TMEM225B: variants seen among roughly 807,000 people sequenced by gnomAD.
The protein encoded by TMEM225B is transmembrane protein 225-like.
TMEM225B carries 10 observed loss-of-function variants against 16.9 expected under a neutral mutation model. The ratio of observed to expected loss-of-function variants is 0.59; its 90% CI spans 0.36 to 1.00. The LOEUF (loss-of-function observed/expected upper bound fraction) is 1.00. Ranked by LOEUF, TMEM225B falls within the 50% of genes least tolerant of loss-of-function variation. The pLI, the probability that TMEM225B is intolerant of heterozygous loss-of-function variation, is 0.01. For missense variants in TMEM225B, 217 were observed against 267.0 expected, an observed-to-expected ratio of 0.81 and a Z score of 1.30; for synonymous variants, 92 against 109.8, an observed-to-expected ratio of 0.84 and a Z score of 1.01.
At chr7:99,598,073 CG>C (rs1804987708), upstream of TMEM225B, 1 of 152,228 alleles carries the variant, frequency 6.6e-6, no homozygotes, top group South Asian at 2.1e-4. Flanking sequence ...TGAGCGAAGC[CG>C]GTACTGTGGG....
At chr7:99,610,067 T>C (rs982263953) in intron 5 of TMEM225B, among the ~76,000 whole-genome samples, 1 of 152,222 alleles carries the variant, frequency 6.6e-6, no homozygotes. Context: ...GTCAGTTGTC[T>C]ATCTTTTACT....
At position 99,600,255 on chromosome 7, in the gene TMEM225B, C is replaced by G; in HGVS notation, c.-34C>G. The G allele has an allele frequency of 1.4e-6, 1 of 702,948 alleles. No homozygotes were observed. Among genetic ancestry groups the G allele is most frequent in the Non-Finnish European group, 2.6e-6 (1 of 384,982 alleles). The allele number at this position is 702,948 out of a possible 1,614,324, so 43.5% of individuals were successfully genotyped here. A position where few individuals can be genotyped will look rare whatever the true frequency, so the allele number is the denominator to read the frequency against. On this transcript the variant is annotated 5_prime_UTR_variant, in exon 2 of 6. Transcript: ENST00000431679. The stretch of plus-strand genomic sequence containing the variant: ...GCCTTTTTTCATCTCTGAATCCCCA[C>G]CATTGGCCTACATTGGGAGTGGGGC...
intron 2 of TMEM225B, among the ~76,000 whole-genome samples, chr7:99,600,553 C>G (rs1004956966): frequency 6.6e-6 from 1 of 152,142 alleles, no homozygotes; most frequent in Non-Finnish European, 1.5e-5. Context: ...TGGCTGAAGG[C>G]GAATGAAGAG....
chr7:99,599,460 T>C (rs1415130962), intron 1 of TMEM225B, among the ~76,000 whole-genome samples: 1 of 151,898 alleles, frequency 6.6e-6, no homozygotes, highest in East Asian at 1.9e-4. Context: ...TCCCAGCTAC[T>C]CGGGAGGCTG....
chr7:99,598,949 G>A (rs1023182003), intron 1 of TMEM225B, among the ~76,000 whole-genome samples: 7 of 152,100 alleles, frequency 4.6e-5, no homozygotes, highest in Admixed American at 3.3e-4. Context: ...ACCTCCTGGT[G>A]TTATGGGTCC....
At chr7:99,600,409 C>T (rs1409180739) in intron 2 of TMEM225B, 124 bp downstream of exon 2, 7 of 654,290 alleles carry the variant, frequency 1.1e-5, no homozygotes, top group South Asian at 3.4e-5. Flanking sequence ...CAGGCACCCC[C>T]GCCCCCAGGA....
chr7:99,608,918 G>T (rs1220639818), intron 5 of TMEM225B, among the ~76,000 whole-genome samples: 1 of 150,400 alleles, frequency 6.6e-6, no homozygotes, highest in East Asian at 1.9e-4. Flanking sequence ...TGTCATCTCA[G>T]CACTTCGGGA....
rs1000392694 is a variant in TMEM225B, at chr7:99,599,273, C to T, written c.-85+892C>T. Among the ~76,000 whole-genome samples, 57 of 152,180 alleles carry T rather than the reference C, an allele frequency of 3.7e-4. 1 individual carries two copies. The highest frequency in any genetic ancestry group is 3.7e-3 in the Admixed American group (57 of 15,272). On this transcript the variant is annotated intron_variant, in intron 1 of 5. Coordinates refer to ENST00000431679, the MANE Select transcript of TMEM225B (RefSeq NM_001195541.3). ...TACAGGCGTGAGCCACCGCACCCGG[C>T]CCATGGGTCCTTTAAAAAATAATAA...
intron 3 of TMEM225B, chr7:99,605,590 A>G (rs1805743503): frequency 6.6e-6 from 1 of 151,384 alleles, no homozygotes; most frequent in African/African-American, 2.4e-5. Context: ...CACAGCTCCC[A>G]GCTAATTTTT....
At chr7:99,599,853 C>G (rs751416116) in intron 1 of TMEM225B, among the ~76,000 whole-genome samples, 1 of 152,212 alleles carries the variant, frequency 6.6e-6, no homozygotes, top group East Asian at 1.9e-4. Context: ...ACCAGTCATT[C>G]CCTCTCTCCA....
intron 5 of TMEM225B, among the ~76,000 whole-genome samples, chr7:99,609,060 A>G (rs2151221746): frequency 6.6e-6 from 1 of 151,920 alleles, no homozygotes; most frequent in Middle Eastern, 3.4e-3. Flanking sequence ...CCAGCTACTC[A>G]GTAGGCTGAA....
rs1282859110 is a variant in TMEM225B at position 99,606,757 on chromosome 7, T to C, written c.218T>C (p.Ile73Thr). ...WKPRPLSIYI[I>T]LGRVFLLSAV... ...TCTCCCTCCCCTGCAGTTTACATCA[T>C]CCTCGGCCGGGTTTTCCTGCTCTCT... is the stretch of plus-strand genomic sequence containing the variant. The change falls in exon 4 of 6, where the codon ATC becomes ACC. Residue 73 changes from isoleucine (I) to threonine (T), a missense_variant. Transcript: ENST00000431679. 1 of 1,535,948 alleles carries C rather than the reference T, an allele frequency of 6.5e-7. No individual in the cohort carries two copies. Among genetic ancestry groups the C allele is most frequent in the African/African-American group, 1.4e-5 (1 of 73,038 alleles).
Position 99,607,742 on chromosome 7 carries a change from C to T in TMEM225B, c.425C>T (p.Pro142Leu). 6.5e-7 allele frequency: 1 copy of T among 1,536,106 alleles called. No individual in the cohort carries two copies. The highest frequency in any genetic ancestry group is 8.7e-7 in the Non-Finnish European group (1 of 1,146,894). Residue 142 changes from proline (P) to leucine (L), a missense_variant, in exon 5 of 6, where the codon CCC becomes CTC. Physicochemically the swap from Pro to Leu is moderately conservative, Grantham distance 98 (BLOSUM62 -3). Coordinates refer to ENST00000431679, the MANE Select transcript of TMEM225B (RefSeq NM_001195541.3). ...EIKALRMKLG[P>L]LQFSVLWPYY... The stretch of plus-strand genomic sequence containing the variant: ...AAGGCTCTGAGGATGAAGCTCGGCC[C>T]CCTGCAGTTCTCCGTGCTGTGGCCT...
chr7:99,607,607 G>C (rs772878726), intron 4 of TMEM225B, 66 bp from the exon 5 acceptor site: 1 of 1,467,070 alleles, frequency 6.8e-7, no homozygotes, highest in East Asian at 2.5e-5. Context: ...GCCACAGGGG[G>C]TGAAGTTTGG....
Position 99,604,346 on chromosome 7 carries a change from G to T in TMEM225B, c.-3-40G>T, listed in dbSNP as rs1193117009. 4.2e-6 allele frequency: 6 copies of T among 1,434,212 alleles called. No homozygotes were observed. The Admixed American group carries it at 1.2e-4, about 28-fold the overall frequency. The allele number at this position is 1,434,212 out of a possible 1,614,324, so 88.8% of individuals were successfully genotyped here. ...CCCTCTGTGCTGCAGGAGAATTTGG[G>T]TCGGTGTCCCACCTCCACGATCACT... On this transcript the variant is annotated intron_variant, in intron 2 of 5. Coordinates refer to ENST00000431679, the MANE Select transcript of TMEM225B (RefSeq NM_001195541.3).
chr7:99,610,622 G>A lies in TMEM225B; in HGVS notation c.*57G>A. On this transcript the variant is annotated 3_prime_UTR_variant, in exon 6 of 6. Transcript: ENST00000431679. ...GCCATGTGAGTGTACACATGTAGCT[G>A]TTTGTAGTCCTCCCCACCCTCTCTG... 1.4e-6 allele frequency: 2 copies of A among 1,472,026 alleles called. No individual in the cohort carries two copies. The highest frequency in any genetic ancestry group is 1.8e-6 in the Non-Finnish European group (2 of 1,092,650). 91.2% of individuals were successfully genotyped at this position (1,472,026 alleles called of 1,614,324 possible).
chr7:99,603,170 C>T (rs757638431), intron 2 of TMEM225B, among the ~76,000 whole-genome samples: 13 of 152,204 alleles, frequency 8.5e-5, no homozygotes, highest in Non-Finnish European at 1.3e-4. Context: ...CCTGTTTGTA[C>T]ATGACCTGCT....
chr7:99,606,929 A>G (rs1041391371), intron 4 of TMEM225B, 35 bp downstream of exon 4: 3 of 1,535,184 alleles, frequency 2.0e-6, no homozygotes, highest in South Asian at 2.4e-5. Context: ...GACCTTCGCT[A>G]GGGCCTGGGG....
chr7:99,603,651 C>T (rs1326881825), intron 2 of TMEM225B, among the ~76,000 whole-genome samples: 1 of 149,900 alleles, frequency 6.7e-6, no homozygotes, highest in Admixed American at 6.6e-5. Context: ...GAGATGGTGC[C>T]ATTGCACTCC....
Sources: allele counts gnomAD v4.1 joint callset (sites outside exome capture counted in the v4.1 genomes callset), GRCh38; gene constraint gnomAD v4.1.1; transcripts MANE v1.5; gene names NCBI Gene and HGNC (gene_info 2026-07-23, HGNC 2026-07-21).